The following LPAR1 variants were observed in gnomAD, a reference collection of about 807,000 sequenced individuals.
LPAR1 encodes the protein lysophosphatidic acid receptor 1.
In LPAR1, 5 loss-of-function variants were observed where a neutral mutation model predicts 23.8. The ratio of observed to expected loss-of-function variants is 0.21; its 90% CI spans 0.11 to 0.44. The LOEUF is 0.44. Ranked by LOEUF, LPAR1 falls within the 20% of genes least tolerant of loss-of-function variation. The pLI, the probability that LPAR1 is intolerant of heterozygous loss-of-function variation, is 0.99. For missense variants in LPAR1, 311 were observed against 482.8 expected, an observed-to-expected ratio of 0.64 and a Z score of 3.33; for synonymous variants, 160 against 164.7, an observed-to-expected ratio of 0.97 and a Z score of 0.22.
At chr9:110,963,549 C>T (rs990225820) in intron 4 of LPAR1, among the ~76,000 whole-genome samples, 1 of 152,064 alleles carries the variant, frequency 6.6e-6, no homozygotes, top group African/African-American at 2.4e-5. Context: ...CCAGAATTTA[C>T]CTAATGTTAA....
chr9:110,958,604 C>A (rs1413711291), intron 4 of LPAR1, among the ~76,000 whole-genome samples: 2 of 151,982 alleles, frequency 1.3e-5, no homozygotes, highest in Non-Finnish European at 2.9e-5. Context: ...ATTAAGACTG[C>A]AAACTATAAA....
chr9:110,883,644 T>C (rs540862747), intron 5 of LPAR1, among the ~76,000 whole-genome samples: 5 of 152,336 alleles, frequency 3.3e-5, no homozygotes, highest in African/African-American at 1.2e-4. Flanking sequence ...ACCATGACTT[T>C]TGAACAGATT....
chr9:110,905,449 G>A (rs937952699), intron 5 of LPAR1, among the ~76,000 whole-genome samples: 12 of 151,634 alleles, frequency 7.9e-5, no homozygotes, highest in African/African-American at 2.2e-4. Flanking sequence ...AGGTTGAAGC[G>A]ATTCTCCTGT....
chr9:110,978,134 C>T (rs2096598271), intron 2 of LPAR1, among the ~76,000 whole-genome samples: 1 of 152,066 alleles, frequency 6.6e-6, no homozygotes, highest in Admixed American at 6.6e-5. Flanking sequence ...AGCTCATGTT[C>T]TTAAAATTCC....
intron 5 of LPAR1, among the ~76,000 whole-genome samples, chr9:110,878,949 A>C (rs1650204969): frequency 6.6e-6 from 1 of 152,192 alleles, no homozygotes; most frequent in African/African-American, 2.4e-5. Context: ...TAGGGAAGCA[A>C]ATCATTTTGG....
chr9:110,889,147 G>C (rs1033630621), intron 5 of LPAR1, among the ~76,000 whole-genome samples: 5 of 152,148 alleles, frequency 3.3e-5, no homozygotes, highest in Non-Finnish European at 4.4e-5. Flanking sequence ...AGATCACGAG[G>C]TCAGGAGATC....
intron 5 of LPAR1, among the ~76,000 whole-genome samples, chr9:110,879,417 C>CAAAAAAAAAAAAA (rs71371692): frequency 4.2e-5 from 2 of 47,178 alleles, no homozygotes; most frequent in Non-Finnish European, 7.0e-5. Flanking sequence ...GACTCCATCT[C>CAAAAAAAAAAAAA]AAAAAAAAAA....
chr9:110,990,105 C>T (rs2096867465), intron 2 of LPAR1, among the ~76,000 whole-genome samples: 1 of 151,988 alleles, frequency 6.6e-6, no homozygotes, highest in Admixed American at 6.6e-5. Context: ...ATTTTTGAAA[C>T]ATACGAAGTA....
At chr9:111,025,878 A>G (rs1345646942) in intron 2 of LPAR1, among the ~76,000 whole-genome samples, 2 of 152,084 alleles carry the variant, frequency 1.3e-5, no homozygotes, top group East Asian at 1.9e-4. Context: ...ATTATTTCTG[A>G]GGCCTCTGTT....
At chr9:110,901,272 C>A (rs2088844464) in intron 5 of LPAR1, among the ~76,000 whole-genome samples, 1 of 152,188 alleles carries the variant, frequency 6.6e-6, no homozygotes. Context: ...TGTTGACTCA[C>A]GTTCCCACTA....
At chr9:111,005,404 G>C (rs990669301) in intron 2 of LPAR1, among the ~76,000 whole-genome samples, 1 of 151,448 alleles carries the variant, frequency 6.6e-6, no homozygotes, top group South Asian at 2.1e-4. Context: ...AAATTAGCTG[G>C]GTGTGGTGGT....
rs904538260 is a variant in LPAR1 at position 110,897,430 on chromosome 9, T to C, written c.794-21708A>G. On this transcript the variant is annotated intron_variant, in intron 5 of 5. Transcript: ENST00000683809. ...ACCATAAGTCCAATAAACCTCTTTC[T>C]TTTGTAAATTGCTCAGTCTCGGGTA... is the stretch of plus-strand genomic sequence containing the variant. Among the ~76,000 whole-genome samples, 9 of 152,220 alleles carry C rather than the reference T, an allele frequency of 5.9e-5. No individual in the cohort carries two copies. The East Asian group carries it at 1.7e-3, about 29-fold the overall frequency.
chr9:110,941,381 G>A lies in LPAR1; in HGVS notation c.793+40C>T. On this transcript the variant is annotated intron_variant, in intron 5 of 5. Coordinates refer to ENST00000683809, the MANE Select transcript of LPAR1 (RefSeq NM_001351411.2). This position sits in a 1 kb window ranked among gnomAD's most constrained non-coding sequence, Gnocchi z 6.1. Reference sequence around the variant, plus strand: ...AATAATGTGGTTTATGTTAGTCACTGAGAATCTATAAAGTAAGTTACAGTC... The same window carrying A: ...AATAATGTGGTTTATGTTAGTCACTAAGAATCTATAAAGTAAGTTACAGTC... 1 of 1,543,660 alleles carries A rather than the reference G, an allele frequency of 6.5e-7. No individual in the cohort carries two copies. Among genetic ancestry groups the A allele is most frequent in the Non-Finnish European group, 8.7e-7 (1 of 1,144,360 alleles).
intron 5 of LPAR1, among the ~76,000 whole-genome samples, chr9:110,917,956 A>C (rs1197765335): frequency 6.6e-6 from 1 of 152,086 alleles, no homozygotes; most frequent in Non-Finnish European, 1.5e-5. Flanking sequence ...AGGCTGTAGT[A>C]CAGTGGCACG....
At chr9:110,965,253 C>T (rs1309069051) in intron 4 of LPAR1, among the ~76,000 whole-genome samples, 1 of 152,104 alleles carries the variant, frequency 6.6e-6, no homozygotes, top group Non-Finnish European at 1.5e-5. Flanking sequence ...AAATTCACAT[C>T]TTCAATGAAA....
At chr9:110,921,396 A>C (rs1483002002) in intron 5 of LPAR1, among the ~76,000 whole-genome samples, 1 of 152,258 alleles carries the variant, frequency 6.6e-6, no homozygotes, top group East Asian at 1.9e-4. Flanking sequence ...AAGACATTAA[A>C]ATAGTTAAAA....
At chr9:110,973,232 A>G (rs7030789) in intron 3 of LPAR1, among the ~76,000 whole-genome samples, 102,893 of 152,086 alleles carry the variant, frequency 0.68, 35,126 homozygotes, top group Admixed American at 0.72. Flanking sequence ...TTCGGATAAA[A>G]GTAGACTACC....
intron 5 of LPAR1, among the ~76,000 whole-genome samples, chr9:110,908,907 T>C (rs2091902540): frequency 1.3e-5 from 2 of 152,212 alleles, no homozygotes; most frequent in Admixed American, 6.5e-5. Context: ...ACTGTTCTTT[T>C]GGATAAACAT....
At chr9:110,896,851 G>C (rs2086544954) in intron 5 of LPAR1, among the ~76,000 whole-genome samples, 1 of 147,172 alleles carries the variant, frequency 6.8e-6, no homozygotes, top group African/African-American at 2.5e-5. Flanking sequence ...GCAGTGGCGT[G>C]ATCTCAGCTC....
Sources: allele counts gnomAD v4.1 joint callset (sites outside exome capture counted in the v4.1 genomes callset), GRCh38; gene constraint gnomAD v4.1.1; non-coding constraint Gnocchi (gnomAD v3.1); transcripts MANE v1.5; gene names NCBI Gene and HGNC (gene_info 2026-07-23, HGNC 2026-07-21).